PRKD1: variants seen among roughly 807,000 people sequenced by gnomAD.
PRKD1 encodes serine/threonine-protein kinase D1.
PRKD1 carries 63 observed loss-of-function variants against 95.9 expected under a neutral mutation model. The ratio of observed to expected loss-of-function variants is 0.66; its 90% CI spans 0.54 to 0.81. PRKD1 has a LOEUF of 0.81. PRKD1 is among the 30% of genes least tolerant of loss of function. The pLI is 0.00. For synonymous variants in PRKD1, 425 were observed against 423.1 expected, an observed-to-expected ratio of 1.00 and a Z score of -0.05; for missense variants, 1,048 against 1,165.3, an observed-to-expected ratio of 0.90 and a Z score of 1.47.
intron 1 of PRKD1, among the ~76,000 whole-genome samples, chr14:29,780,498 C>G (rs1435481836): frequency 6.6e-6 from 1 of 152,166 alleles, no homozygotes; most frequent in African/African-American, 2.4e-5. Flanking sequence ...AGACACTTCT[C>G]AAAAGAAGAC....
At chr14:29,814,685 G>A (rs540944572) in intron 1 of PRKD1, among the ~76,000 whole-genome samples, 1 of 152,210 alleles carries the variant, frequency 6.6e-6, no homozygotes, top group East Asian at 1.9e-4. Flanking sequence ...TGCTTGCCCT[G>A]TCTCCATGAT....
chr14:29,882,948 T>C (rs1893566706), intron 1 of PRKD1, among the ~76,000 whole-genome samples: 1 of 152,226 alleles, frequency 6.6e-6, no homozygotes, highest in East Asian at 1.9e-4. Context: ...CTTTGGCTAC[T>C]GTATTACGTT....
At chr14:29,608,923 C>G (rs958213996) in intron 13 of PRKD1, among the ~76,000 whole-genome samples, 2 of 152,120 alleles carry the variant, frequency 1.3e-5, no homozygotes, top group East Asian at 1.9e-4. Context: ...TTTAGAAATT[C>G]ACATTGATAT....
chr14:29,904,526 G>A (rs773681779), intron 1 of PRKD1, among the ~76,000 whole-genome samples: 4 of 152,110 alleles, frequency 2.6e-5, no homozygotes, highest in Non-Finnish European at 5.9e-5. Context: ...AGAGTGTCTG[G>A]TATAGTAACA....
At position 29,655,350 on chromosome 14, in the gene PRKD1, T is replaced by C. The variant is rs141603556; in HGVS notation, c.696+8349A>G. Among the ~76,000 whole-genome samples the C allele has an allele frequency of 8.9e-3, 1,355 of 152,310 alleles. 22 individuals carry two copies. The highest frequency in any genetic ancestry group is 0.031 in the African/African-American group (1,292 of 41,554). On this transcript the variant is annotated intron_variant, in intron 4 of 17. Coordinates refer to ENST00000331968, the MANE Select transcript of PRKD1 (RefSeq NM_002742.3). ...TATTGAAGCAGATGTCTTCATCCTGTAGCTTATGAATCAGAAATCTTGACT... is the reference window on the plus strand; with the variant it reads ...TATTGAAGCAGATGTCTTCATCCTGCAGCTTATGAATCAGAAATCTTGACT...
chr14:29,640,817 G>A (rs45441804), intron 4 of PRKD1, among the ~76,000 whole-genome samples: 4,276 of 152,218 alleles, frequency 0.028, 184 homozygotes, highest in African/African-American at 0.091. Context: ...TCAGATTTGG[G>A]AAATCCTATG....
intron 16 of PRKD1, among the ~76,000 whole-genome samples, chr14:29,586,817 G>T (rs1349302241): frequency 6.6e-6 from 1 of 151,946 alleles, no homozygotes; most frequent in Non-Finnish European, 1.5e-5. Flanking sequence ...TAGAGATGGG[G>T]TTTCTCCATG....
At chr14:29,885,328 G>C (rs1238808633) in intron 1 of PRKD1, among the ~76,000 whole-genome samples, 1 of 152,032 alleles carries the variant, frequency 6.6e-6, no homozygotes, top group African/African-American at 2.4e-5. Flanking sequence ...ATTTATTTCT[G>C]TGAGATGAGT....
chr14:29,918,551 C>G (rs1474983285), intron 1 of PRKD1, among the ~76,000 whole-genome samples: 1 of 152,130 alleles, frequency 6.6e-6, no homozygotes, highest in Non-Finnish European at 1.5e-5. Flanking sequence ...ACCCTTTAAT[C>G]TAATGTTCCA....
intron 4 of PRKD1, chr14:29,656,606 T>C (rs1310177209): frequency 1.7e-5 from 21 of 1,258,132 alleles, no homozygotes; most frequent in Non-Finnish European, 2.2e-6. Flanking sequence ...CATTACTCAA[T>C]AATGTTTCAT....
At chr14:29,598,935 T>C (rs1893411292) in intron 15 of PRKD1, 92 bp downstream of exon 15, 6 of 1,087,290 alleles carry the variant, frequency 5.5e-6, no homozygotes, top group Middle Eastern at 4.1e-4. Flanking sequence ...CAAATAAAGG[T>C]TTTAAGGGAA....
rs570921826 is a variant in PRKD1, at chr14:29,577,562, C to G, written c.2521-106G>C. ...TCTATGAGTTACCCTTCTCCTTCCA[C>G]TCTAACAGCGCTGAATCTTTCATCA... is the stretch of plus-strand genomic sequence containing the variant. On this transcript the variant is annotated intron_variant, in intron 17 of 17. Coordinates refer to ENST00000331968, the MANE Select transcript of PRKD1 (RefSeq NM_002742.3). The G allele has an allele frequency of 4.7e-6, 5 of 1,064,126 alleles. No individual in the cohort carries two copies. In the Admixed American group the frequency reaches 7.9e-5, roughly 17 times the overall value. 65.9% of individuals were successfully genotyped at this position (1,064,126 alleles called of 1,614,324 possible). A position where few individuals can be genotyped will look rare whatever the true frequency, so the allele number is the denominator to read the frequency against.
At chr14:29,814,223 T>C (rs770057462) in intron 1 of PRKD1, among the ~76,000 whole-genome samples, 4 of 152,220 alleles carry the variant, frequency 2.6e-5, no homozygotes, top group Admixed American at 6.5e-5. Flanking sequence ...CTCACCTGAC[T>C]GTATTGTCTG....
At chr14:29,809,427 G>A (rs188856769) in intron 1 of PRKD1, among the ~76,000 whole-genome samples, 27 of 152,302 alleles carry the variant, frequency 1.8e-4, no homozygotes, top group Admixed American at 7.2e-4. Context: ...TTCTTCTTCC[G>A]ATAGAAGGAT....
chr14:29,744,511 ATCTAC>A (rs1181761480), intron 1 of PRKD1, among the ~76,000 whole-genome samples: 1 of 152,104 alleles, frequency 6.6e-6, no homozygotes, highest in African/African-American at 2.4e-5. Flanking sequence ...GCCCCCAGCA[ATCTAC>A]TCTACAAAGA....
At chr14:29,854,092 A>C (rs1892411049) in intron 1 of PRKD1, among the ~76,000 whole-genome samples, 1 of 152,292 alleles carries the variant, frequency 6.6e-6, no homozygotes, top group South Asian at 2.1e-4. Context: ...AGTAAATTGG[A>C]GTGGTGTGCT....
intron 1 of PRKD1, among the ~76,000 whole-genome samples, chr14:29,781,858 G>A (rs899975829): frequency 6.6e-6 from 1 of 152,144 alleles, no homozygotes; most frequent in Non-Finnish European, 1.5e-5. Flanking sequence ...TTTAAACGGA[G>A]ACAACAGTAT....
intron 2 of PRKD1, among the ~76,000 whole-genome samples, chr14:29,697,845 A>T (rs1217580275): frequency 6.6e-6 from 1 of 152,080 alleles, no homozygotes; most frequent in African/African-American, 2.4e-5. Flanking sequence ...TGCTTTTTTG[A>T]TATTATATAA....
chr14:29,758,865 A>C (rs2139481423), intron 1 of PRKD1, among the ~76,000 whole-genome samples: 1 of 152,318 alleles, frequency 6.6e-6, no homozygotes, highest in South Asian at 2.1e-4. Context: ...TCACACTTCA[A>C]GAATTCTCTT....
Sources: gnomAD v4.1 joint callset for allele counts (sites outside exome capture counted in the v4.1 genomes callset) on GRCh38, gnomAD v4.1.1 for gene constraint, MANE v1.5 for transcripts, NCBI Gene and HGNC (gene_info 2026-07-23, HGNC 2026-07-21) for gene names.